DIAPH2: variants seen among roughly 807,000 people sequenced by gnomAD.
DIAPH2 encodes diaphanous related formin 2.
A neutral mutation model predicts 92.7 loss-of-function variants in DIAPH2; 35 were observed. The observed-to-expected ratio is 0.38, with a 90% CI of 0.29 to 0.50. The LOEUF (loss-of-function observed/expected upper bound fraction) is 0.50. DIAPH2 is among the 20% of genes least tolerant of loss of function. The pLI is 0.94. For missense variants in DIAPH2, 701 were observed against 819.5 expected, an observed-to-expected ratio of 0.86 and a Z score of 1.77; for synonymous variants, 301 against 280.4, an observed-to-expected ratio of 1.07 and a Z score of -0.73.
intron 23 of DIAPH2, among the ~76,000 whole-genome samples, chrX:97,286,251 A>G (rs2068541929): frequency 9.3e-6 from 1 of 107,389 alleles, no homozygotes; most frequent in Non-Finnish European, 1.9e-5. Flanking sequence ...GGGTTTTACC[A>G]TGTTGGCCAC....
chrX:97,224,039 A>C (rs2067946844), intron 22 of DIAPH2, among the ~76,000 whole-genome samples: 1 of 111,684 alleles, frequency 9.0e-6, no homozygotes, highest in Non-Finnish European at 1.9e-5. Context: ...GATGCTGTTT[A>C]ATTTGTTTGG....
chrX:97,411,696 GGA>G (rs2069875666), intron 25 of DIAPH2, among the ~76,000 whole-genome samples: 2 of 111,548 alleles, frequency 1.8e-5, no homozygotes, highest in Non-Finnish European at 3.8e-5. Flanking sequence ...CAAAATAAAG[GGA>G]CAGAGGAAGA....
At chrX:96,963,694 T>C (rs1289761397) in intron 16 of DIAPH2, among the ~76,000 whole-genome samples, 2 of 111,311 alleles carry the variant, frequency 1.8e-5, no homozygotes, top group African/African-American at 6.6e-5. Context: ...GCTCCTTCCG[T>C]GCCTCAGGTG....
At chrX:96,952,501 C>T (rs1418566444) in intron 15 of DIAPH2, among the ~76,000 whole-genome samples, 4 of 110,954 alleles carry the variant, frequency 3.6e-5, no homozygotes, top group East Asian at 5.7e-4. Flanking sequence ...TTTGGGAGGC[C>T]GAGGCGGGCA....
intron 19 of DIAPH2, among the ~76,000 whole-genome samples, chrX:97,097,956 A>C: frequency 8.9e-6 from 1 of 112,035 alleles, no homozygotes; most frequent in Admixed American, 9.5e-5. Flanking sequence ...GTATTCATAT[A>C]TGTGGTTATA....
In DIAPH2 at chrX:97,072,802, T is replaced by G. The variant is rs142083980; in HGVS notation, c.2051-139T>G. ...ACTCTGTATTTTTATGTTTATCCTC[T>G]TCCTTGAGCTAATGAAATCAACACA... On this transcript the variant is annotated intron_variant, in intron 17 of 26. Transcript: ENST00000324765. 95 of 385,336 alleles carry G rather than the reference T, an allele frequency of 2.5e-4. No homozygotes were observed. In the East Asian group the frequency reaches 4.1e-3, roughly 17 times the overall value. 31.8% of individuals were successfully genotyped at this position (385,336 alleles called of 1,213,427 possible). A position where few individuals can be genotyped will look rare whatever the true frequency, so the allele number is the denominator to read the frequency against.
chrX:97,327,947 C>A lies in DIAPH2; in HGVS notation c.2845-20169C>A, dbSNP rs769412658. On this transcript the variant is annotated intron_variant, in intron 23 of 26. Coordinates refer to ENST00000324765, the MANE Select transcript of DIAPH2 (RefSeq NM_006729.5). The stretch of plus-strand genomic sequence containing the variant: ...TTGGCTTTTTAAATAGCATACCCTT[C>A]CCCACAATTCATTTAATGAATCCCT... Among the ~76,000 whole-genome samples, 291 of 112,336 alleles carry A rather than the reference C, an allele frequency of 2.6e-3. 1 individual carries two copies. Among genetic ancestry groups the A allele is most frequent in the Non-Finnish European group, 3.9e-3 (210 of 53,306 alleles).
chrX:96,913,888 ACTGT>A (rs1288463176), intron 7 of DIAPH2, among the ~76,000 whole-genome samples: 1 of 110,274 alleles, frequency 9.1e-6, no homozygotes, highest in Non-Finnish European at 1.9e-5. Flanking sequence ...TATTTTTTTT[ACTGT>A]CTTAGAAATG....
chrX:96,955,063 C>T (rs2065801564), intron 15 of DIAPH2, among the ~76,000 whole-genome samples: 1 of 112,173 alleles, frequency 8.9e-6, no homozygotes, highest in African/African-American at 3.2e-5. Context: ...TTTGAGGATA[C>T]TGTATTAGTC....
At chrX:97,536,822 G>A (rs921950538) in intron 26 of DIAPH2, among the ~76,000 whole-genome samples, 16 of 111,192 alleles carry the variant, frequency 1.4e-4, no homozygotes, top group African/African-American at 4.6e-4. Flanking sequence ...AAAATTATAC[G>A]AAATTGTACA....
chrX:97,011,833 A>G (rs1285463759), intron 17 of DIAPH2, among the ~76,000 whole-genome samples: 2 of 92,783 alleles, frequency 2.2e-5, no homozygotes, highest in African/African-American at 8.2e-5. Flanking sequence ...TGGAGGTTGC[A>G]GTGAGCCGAG....
chrX:97,217,670 G>A (rs1234392461), intron 22 of DIAPH2, among the ~76,000 whole-genome samples: 6 of 112,231 alleles, frequency 5.3e-5, no homozygotes, highest in Non-Finnish European at 7.5e-5. Flanking sequence ...TTTAAAGGCC[G>A]GGCGTGTTGG....
At chrX:97,499,394 T>C (rs966637187) in intron 26 of DIAPH2, among the ~76,000 whole-genome samples, 3 of 111,915 alleles carry the variant, frequency 2.7e-5, no homozygotes, top group Non-Finnish European at 5.6e-5. Context: ...TTTTTGTTAT[T>C]GGGAGAGTTA....
At chrX:96,765,494 C>T (rs190775256) in intron 4 of DIAPH2, among the ~76,000 whole-genome samples, 10 of 111,462 alleles carry the variant, frequency 9.0e-5, no homozygotes, top group African/African-American at 3.3e-4. Context: ...CCACCACGTC[C>T]GGTCCACATA....
At chrX:96,834,364 G>A (rs920092571) in intron 4 of DIAPH2, among the ~76,000 whole-genome samples, 1 of 111,858 alleles carries the variant, frequency 8.9e-6, no homozygotes, top group African/African-American at 3.2e-5. Context: ...CTGGACTCGG[G>A]TGGTAATCTG....
intron 23 of DIAPH2, among the ~76,000 whole-genome samples, chrX:97,252,556 T>A (rs2068197002): frequency 9.0e-6 from 1 of 111,553 alleles, no homozygotes; most frequent in African/African-American, 3.3e-5. Context: ...TTTAAGTAGA[T>A]GAAAAAACTC....
At chrX:97,472,849 A>G (rs1338063678) in intron 26 of DIAPH2, among the ~76,000 whole-genome samples, 1 of 111,912 alleles carries the variant, frequency 8.9e-6, no homozygotes, top group Non-Finnish European at 1.9e-5. Context: ...TGACTGAATT[A>G]ATTTCTCCAA....
intron 25 of DIAPH2, among the ~76,000 whole-genome samples, chrX:97,410,725 T>C (rs901594448): frequency 4.9e-4 from 55 of 111,855 alleles, no homozygotes; most frequent in African/African-American, 1.8e-3. Context: ...CTGATGGAGC[T>C]GAAAACCATG....
intron 21 of DIAPH2, among the ~76,000 whole-genome samples, chrX:97,121,093 A>T: frequency 8.9e-6 from 1 of 112,372 alleles, no homozygotes; most frequent in Non-Finnish European, 1.9e-5. Flanking sequence ...GACTATGTCC[A>T]TATAAACTCA....
Sources: allele counts gnomAD v4.1 joint callset (sites outside exome capture counted in the v4.1 genomes callset), GRCh38; gene constraint gnomAD v4.1.1; transcripts MANE v1.5; gene names NCBI Gene and HGNC (gene_info 2026-07-23, HGNC 2026-07-21).